Variants in SHANK2 observed in about 807,000 individuals in gnomAD.
The protein encoded by SHANK2 is SH3 and multiple ankyrin repeat domains 2.
SHANK2 carries 43 observed loss-of-function variants against 133.7 expected under a neutral mutation model. The observed-to-expected ratio is 0.32, with a 90% CI of 0.25 to 0.41. The LOEUF (loss-of-function observed/expected upper bound fraction) is 0.41. Ranked by LOEUF, SHANK2 falls within the 10% of genes least tolerant of loss-of-function variation. SHANK2 has a pLI of 1.00. For missense variants in SHANK2, 1,994 were observed against 2,235.8 expected (o/e 0.89, Z 2.18); for synonymous variants, 1,017 against 952.8 (o/e 1.07, Z -1.24).
At chr11:70,502,089 G>T in intron 19 of SHANK2, 117 bp downstream of exon 19, 1 of 1,325,414 alleles carries the variant, frequency 7.5e-7, no homozygotes, top group Non-Finnish European at 1.1e-6. Context: ...TCTGGGTACA[G>T]GGGCAGGAGG....
chr11:70,786,023 T>C (rs1239362415), intron 14 of SHANK2, among the ~76,000 whole-genome samples: 1 of 152,004 alleles, frequency 6.6e-6, no homozygotes. Flanking sequence ...CCTCTAGCAG[T>C]GTAGAGGTTC....
Position 70,806,986 on chromosome 11 carries a change from AC to A in SHANK2, c.1663+15del. ...GACCTCACTCCAGGAGCGGAGGACA[AC>A]CAGCAGACACTGACCTTTGACCCTG... On this transcript the variant is annotated intron_variant, in intron 13 of 25. Transcript: ENST00000601538. 1 of 715,432 alleles carries A rather than the reference AC, an allele frequency of 1.4e-6. No homozygotes were observed. Among genetic ancestry groups the A allele is most frequent in the South Asian group, 1.5e-5 (1 of 67,304 alleles). 44.3% of individuals were successfully genotyped at this position (715,432 alleles called of 1,614,324 possible).
chr11:71,103,610 A>T (rs1951753495), intron 6 of SHANK2, among the ~76,000 whole-genome samples: 1 of 152,142 alleles, frequency 6.6e-6, no homozygotes, highest in African/African-American at 2.4e-5. Flanking sequence ...CATACCCCAT[A>T]CGCTTAACCA....
chr11:70,896,570 GC>G lies in SHANK2; in HGVS notation c.1108-4del. On this transcript the variant is annotated splice_polypyrimidine_tract_variant and splice_region_variant and intron_variant, in intron 10 of 25. Coordinates refer to ENST00000601538, the MANE Select transcript of SHANK2 (RefSeq NM_012309.5). ...AAGTTGCCTGCTATTATGGCCACCT[GC>G]AAAGTGAAAATCACATTAAGTTAAG... 1.4e-6 allele frequency: 1 copy of G among 718,784 alleles called. No homozygotes were observed. The highest frequency in any genetic ancestry group is 2.6e-6 in the Non-Finnish European group (1 of 385,012). 44.5% of individuals were successfully genotyped at this position (718,784 alleles called of 1,614,324 possible). A position where few individuals can be genotyped will look rare whatever the true frequency, so the allele number is the denominator to read the frequency against.
At chr11:70,601,006 G>C (rs1222473689) in intron 17 of SHANK2, among the ~76,000 whole-genome samples, 1 of 141,816 alleles carries the variant, frequency 7.1e-6, no homozygotes, top group Non-Finnish European at 1.5e-5. Context: ...CTAAAGATTA[G>C]TAAAGAGAAT....
chr11:71,129,309 G>A (rs1374455392), intron 3 of SHANK2, among the ~76,000 whole-genome samples: 3 of 152,272 alleles, frequency 2.0e-5, no homozygotes, highest in African/African-American at 7.2e-5. Flanking sequence ...ATTCTGGCGA[G>A]GGGAGGCTAC....
At chr11:70,942,159 C>G (rs1555084497) in intron 10 of SHANK2, among the ~76,000 whole-genome samples, 1 of 151,956 alleles carries the variant, frequency 6.6e-6, no homozygotes, top group Non-Finnish European at 1.5e-5. Context: ...TGCACTTCAG[C>G]CTGGGCGACA....
intron 11 of SHANK2, among the ~76,000 whole-genome samples, chr11:70,835,088 T>C (rs1165991404): frequency 6.6e-6 from 1 of 152,120 alleles, no homozygotes; most frequent in Non-Finnish European, 1.5e-5. Flanking sequence ...AATCACAGCC[T>C]CCAGACATTG....
chr11:70,942,839 T>C (rs781823603), intron 10 of SHANK2: 10 of 456,624 alleles, frequency 2.2e-5, no homozygotes, highest in South Asian at 1.1e-4. Context: ...AGAAATTACA[T>C]GGAGCCATAA....
At chr11:70,846,746 G>A (rs1949003253) in intron 11 of SHANK2, among the ~76,000 whole-genome samples, 1 of 152,158 alleles carries the variant, frequency 6.6e-6, no homozygotes. Flanking sequence ...AGCTGGGAAG[G>A]AGCCAGTGCT....
At chr11:70,616,712 G>A (rs1047119859) in intron 17 of SHANK2, among the ~76,000 whole-genome samples, 3 of 152,178 alleles carry the variant, frequency 2.0e-5, no homozygotes, top group Non-Finnish European at 4.4e-5. Context: ...GCTGCTGGGT[G>A]AAGGCTGGGA....
chr11:70,919,471 T>A (rs1361395014), intron 10 of SHANK2, among the ~76,000 whole-genome samples: 1 of 151,828 alleles, frequency 6.6e-6, no homozygotes, highest in East Asian at 1.9e-4. Context: ...AACCTCCGCC[T>A]CCCAGGTTCT....
chr11:70,682,329 A>G (rs1555018561), intron 15 of SHANK2, among the ~76,000 whole-genome samples: 1 of 152,214 alleles, frequency 6.6e-6, no homozygotes, highest in Non-Finnish European at 1.5e-5. Flanking sequence ...GCAGAAACAA[A>G]CTGCAGGATG....
chr11:70,720,709 G>A (rs1946056781), intron 14 of SHANK2, among the ~76,000 whole-genome samples: 1 of 152,228 alleles, frequency 6.6e-6, no homozygotes, highest in East Asian at 1.9e-4. Flanking sequence ...TGTTCTTGCG[G>A]TATACATGTG....
At chr11:70,862,898 T>C in intron 11 of SHANK2, 1 of 265,120 alleles carries the variant, frequency 3.8e-6, no homozygotes. Flanking sequence ...GACATGGGTG[T>C]GGGGCTGATT....
intron 11 of SHANK2, among the ~76,000 whole-genome samples, chr11:70,889,398 C>A (rs117002649): frequency 2.0e-5 from 3 of 152,190 alleles, no homozygotes; most frequent in Non-Finnish European, 4.4e-5. Flanking sequence ...GGGAGACAGT[C>A]AATTCCAGTT....
chr11:70,824,023 G>C lies in SHANK2; in HGVS notation c.1175-3341C>G, dbSNP rs1259892410. Among the ~76,000 whole-genome samples the C allele has an allele frequency of 2.1e-5, 3 of 144,424 alleles. No homozygotes were observed. The Admixed American group carries it at 2.1e-4, about 10-fold the overall frequency. The allele number at this position is 144,424 out of a possible 152,430, so 94.7% of individuals were successfully genotyped here. A position where few individuals can be genotyped will look rare whatever the true frequency, so the allele number is the denominator to read the frequency against. On this transcript the variant is annotated intron_variant, in intron 11 of 25. Transcript: ENST00000601538. Reference sequence around the variant, plus strand: ...GCTCACAAGGGACACATGTGGTGCTGGCAGGTTTCATTGAAGACAAAGATG... The same window carrying C: ...GCTCACAAGGGACACATGTGGTGCTCGCAGGTTTCATTGAAGACAAAGATG...
intron 9 of SHANK2, among the ~76,000 whole-genome samples, chr11:71,058,429 C>T (rs1950947245): frequency 6.6e-6 from 1 of 152,224 alleles, no homozygotes; most frequent in African/African-American, 2.4e-5. Flanking sequence ...CAAATAACTA[C>T]TAATAAAAAG....
chr11:71,179,299 T>C (rs1412982182), intron 2 of SHANK2, among the ~76,000 whole-genome samples: 1 of 152,214 alleles, frequency 6.6e-6, no homozygotes, highest in East Asian at 1.9e-4. Flanking sequence ...TAACTGTTGA[T>C]TTAACATTTG....
Sources: gnomAD v4.1 joint callset for allele counts (sites outside exome capture counted in the v4.1 genomes callset) on GRCh38, gnomAD v4.1.1 for gene constraint, MANE v1.5 for transcripts, NCBI Gene and HGNC (gene_info 2026-07-23, HGNC 2026-07-21) for gene names.